The following GATA4 variants were observed in gnomAD, a reference collection of about 807,000 sequenced individuals.
The protein encoded by GATA4 is transcription factor GATA-4.
Under a neutral mutation model 37.9 loss-of-function variants are expected in GATA4, and 7 were observed. That is an observed-to-expected ratio of 0.18 (90% CI 0.11 to 0.35). GATA4 has a LOEUF of 0.35. Among genes scored for constraint, GATA4 ranks in the 10% least tolerant of loss-of-function variants. The pLI is 1.00. For synonymous variants in GATA4, 372 were observed against 292.6 expected (o/e 1.27, Z -2.77); for missense variants, 647 against 653.0 (o/e 0.99, Z 0.10).
chr8:11,742,672 A>AC (rs1801806772), intron 2 of GATA4, among the ~76,000 whole-genome samples: 1 of 152,192 alleles, frequency 6.6e-6, no homozygotes, highest in Non-Finnish European at 1.5e-5. Flanking sequence ...CCTCCCCGTG[A>AC]CAGCCTCCTG....
intron 2 of GATA4, among the ~76,000 whole-genome samples, chr8:11,744,420 G>A (rs910627765): frequency 3.3e-5 from 5 of 152,180 alleles, no homozygotes; most frequent in East Asian, 3.9e-4. Context: ...GAGTTCCCGG[G>A]ATGCCAGCAC....
At chr8:11,692,463 A>G (rs998190297), upstream of GATA4, 3 of 943,930 alleles carry the variant, frequency 3.2e-6, no homozygotes, top group African/African-American at 3.5e-5. Context: ...CTAATAGAAT[A>G]TTGACCGGTG....
At position 11,758,937 on chromosome 8, in the gene GATA4, T is replaced by A. The variant is rs1802747016; in HGVS notation, c.*462T>A. On this transcript the variant is annotated 3_prime_UTR_variant, in exon 7 of 7. Transcript: ENST00000532059. ...TGGGGACAGGCCCTTGCCCCATCCA[T>A]CCGCTTGAGGCATGGCACCGCCCTG... 1 of 267,334 alleles carries A rather than the reference T, an allele frequency of 3.7e-6. No homozygotes were observed. Among genetic ancestry groups the A allele is most frequent in the African/African-American group, 2.2e-5 (1 of 45,498 alleles). The allele number at this position is 267,334 out of a possible 1,614,324, so 16.6% of individuals were successfully genotyped here.
intron 2 of GATA4, among the ~76,000 whole-genome samples, chr8:11,738,709 G>A (rs10091294): frequency 0.04 from 6,061 of 152,250 alleles, 406 homozygotes; most frequent in African/African-American, 0.14. Flanking sequence ...ATAAGATATT[G>A]CCAAATTGCT....
chr8:11,758,910 C>T lies in GATA4; in HGVS notation c.*435C>T. 3.3e-6 allele frequency: 1 copy of T among 307,092 alleles called. No homozygotes were observed. The highest frequency in any genetic ancestry group is 3.1e-5 in the South Asian group (1 of 32,700). The allele number at this position is 307,092 out of a possible 1,614,324, so 19.0% of individuals were successfully genotyped here. ...GCCATGTACCTGGATGCGACGGGCC[C>T]CTGGGGACAGGCCCTTGCCCCATCC... On this transcript the variant is annotated 3_prime_UTR_variant, in exon 7 of 7. Coordinates refer to ENST00000532059, the MANE Select transcript of GATA4 (RefSeq NM_001308093.3).
Position 11,708,324 on chromosome 8 carries a change from C to A in GATA4, c.12C>A (p.Ser4Arg). The change falls in exon 2 of 7, where the codon AGC (serine) becomes AGA (arginine). Residue 4 changes from serine (S) to arginine (R), a missense_variant. Ser to Arg is a moderately radical substitution (Grantham distance 110). Coordinates refer to ENST00000532059, the MANE Select transcript of GATA4 (RefSeq NM_001308093.3). This position sits in a 1 kb window ranked among gnomAD's most constrained non-coding sequence, Gnocchi z 6.7. ...AGCTCGCAGGGACCATGTATCAGAGCTTGGCCATGGCCGCCAACCACGGGC... is the reference window on the plus strand; with the variant it reads ...AGCTCGCAGGGACCATGTATCAGAGATTGGCCATGGCCGCCAACCACGGGC... MYQ[S>R]LAMAANHGPP... 3.2e-6 allele frequency: 5 copies of A among 1,584,700 alleles called. No individual in the cohort carries two copies. The highest frequency in any genetic ancestry group is 4.3e-6 in the Non-Finnish European group (5 of 1,173,214).
intron 1 of GATA4, chr8:11,680,816 C>T: frequency 3.0e-6 from 3 of 985,384 alleles, no homozygotes; most frequent in Non-Finnish European, 3.6e-6. Context: ...CCCGACGCCT[C>T]GGTCCCCACG....
chr8:11,734,783 C>G (rs557683773), intron 2 of GATA4, among the ~76,000 whole-genome samples: 1 of 152,308 alleles, frequency 6.6e-6, no homozygotes, highest in Non-Finnish European at 1.5e-5. Flanking sequence ...AGCCACCGTG[C>G]CCAGCCTCTG....
At chr8:11,710,612 C>T (rs1800136038) in intron 2 of GATA4, among the ~76,000 whole-genome samples, 1 of 145,388 alleles carries the variant, frequency 6.9e-6, no homozygotes. Flanking sequence ...ATCGCTTGAA[C>T]CCGGGAGGCA....
intron 2 of GATA4, among the ~76,000 whole-genome samples, chr8:11,714,603 A>G (rs1247395842): frequency 6.6e-6 from 1 of 152,214 alleles, no homozygotes; most frequent in Non-Finnish European, 1.5e-5. Flanking sequence ...CGAATTAAAT[A>G]AGAAAGGTGT....
In GATA4 at chr8:11,680,546, T is replaced by C. The variant is rs183550433; in HGVS notation, c.-274+3483T>C. The C allele has an allele frequency of 9.3e-4, 920 of 985,400 alleles. 9 individuals carry two copies. In the African/African-American group the frequency reaches 0.015, roughly 16 times the overall value. The allele number at this position is 985,400 out of a possible 1,614,324, so 61.0% of individuals were successfully genotyped here. Reference sequence around the variant, plus strand: ...CGGACGGGTGTCGCGCCGACGTCCTTCGTGGTCGCACGCTGGTGGGCCAGG... The same window carrying C: ...CGGACGGGTGTCGCGCCGACGTCCTCCGTGGTCGCACGCTGGTGGGCCAGG... On this transcript the variant is annotated intron_variant, in intron 1 of 6. Transcript: ENST00000528712.
At chr8:11,699,138 G>A (rs1202551091) in intron 1 of GATA4, among the ~76,000 whole-genome samples, 1 of 152,212 alleles carries the variant, frequency 6.6e-6, no homozygotes, top group Non-Finnish European at 1.5e-5. Context: ...TGCATTCACA[G>A]AGCATACCTT....
intron 4 of GATA4, among the ~76,000 whole-genome samples, chr8:11,753,918 C>CCT (rs751461713): frequency 1.2e-3 from 181 of 152,310 alleles, no homozygotes; most frequent in Non-Finnish European, 1.3e-3. Flanking sequence ...GTGGGGAAGG[C>CCT]ACCCTGCAGT....
At chr8:11,756,847 T>A in intron 5 of GATA4, 88 bp from the exon 6 acceptor site, 2 of 1,567,864 alleles carry the variant, frequency 1.3e-6, no homozygotes, top group Non-Finnish European at 1.8e-6. Flanking sequence ...AGCCATTAGC[T>A]TGCACCCATC....
intron 1 of GATA4, chr8:11,681,269 C>T (rs1047320358): frequency 4.1e-6 from 4 of 985,316 alleles, no homozygotes; most frequent in African/African-American, 3.5e-5. Context: ...ACTGGATTCC[C>T]AGGCCTCCGC....
At chr8:11,692,498 C>T, upstream of GATA4, 4 of 985,278 alleles carry the variant, frequency 4.1e-6, no homozygotes, top group Non-Finnish European at 4.8e-6. Flanking sequence ...CTCCCGTGCA[C>T]AGCGTGAGTA....
intron 2 of GATA4, among the ~76,000 whole-genome samples, chr8:11,718,732 A>C (rs776366681): frequency 6.6e-6 from 1 of 151,960 alleles, no homozygotes; most frequent in African/African-American, 2.4e-5. Context: ...CTTCCTTTCT[A>C]CTCCCCAGTT....
chr8:11,689,383 G>A (rs1174796838), upstream of GATA4, among the ~76,000 whole-genome samples: 1 of 152,156 alleles, frequency 6.6e-6, no homozygotes, highest in Non-Finnish European at 1.5e-5. Flanking sequence ...TATCACTGAT[G>A]ATTACCCAGA....
In GATA4 at chr8:11,708,113, G is replaced by A; in HGVS notation, c.-200G>A. The stretch of plus-strand genomic sequence containing the variant: ...AATTGGGATTTTCCGGAGTAAACAA[G>A]AGCCTAGAGCCCTTTGCTCAATGCT... On this transcript the variant is annotated 5_prime_UTR_variant, in exon 2 of 7. Coordinates refer to ENST00000532059, the MANE Select transcript of GATA4 (RefSeq NM_001308093.3). The surrounding 1 kb of genome is among the most constrained non-coding windows in gnomAD (Gnocchi z 6.7). 1.5e-6 allele frequency: 1 copy of A among 682,598 alleles called. No individual in the cohort carries two copies. Among genetic ancestry groups the A allele is most frequent in the Non-Finnish European group, 2.6e-6 (1 of 385,772 alleles). The allele number at this position is 682,598 out of a possible 1,614,324, so 42.3% of individuals were successfully genotyped here.
Sources: gnomAD v4.1 joint callset for allele counts (sites outside exome capture counted in the v4.1 genomes callset) on GRCh38, gnomAD v4.1.1 for gene constraint, Gnocchi (gnomAD v3.1) non-coding constraint, MANE v1.5 for transcripts, NCBI Gene and HGNC (gene_info 2026-07-23, HGNC 2026-07-21) for gene names.